Variants in MACF1 observed in about 807,000 individuals in gnomAD.
MACF1 encodes microtubule-actin cross-linking factor 1.
Under a neutral mutation model 854.8 loss-of-function variants are expected in MACF1, and 193 were observed. The observed-to-expected ratio is 0.23, with a 90% confidence interval of 0.20 to 0.25. MACF1 has a LOEUF of 0.25. Ranked by LOEUF, MACF1 falls within the 10% of genes least tolerant of loss-of-function variation. The pLI is 1.00. For synonymous variants in MACF1, 3,185 were observed against 3,226.7 expected (o/e 0.99, Z 0.44); for missense variants, 7,722 against 8,929.1 (o/e 0.86, Z 5.45).
intron 61 of MACF1, 78 bp downstream of exon 61, chr1:39,424,272 T>C (rs1213409091): frequency 1.8e-5 from 23 of 1,253,736 alleles, no homozygotes; most frequent in Non-Finnish European, 2.2e-5. Flanking sequence ...TATAAGTTCT[T>C]GGATGATTCA....
intron 58 of MACF1, among the ~76,000 whole-genome samples, chr1:39,402,234 C>T (rs1308141409): frequency 6.6e-6 from 1 of 152,060 alleles, no homozygotes; most frequent in East Asian, 1.9e-4. Flanking sequence ...TGATTCAACC[C>T]AGAGACCTCT....
chr1:39,156,972 T>C (rs1398432372), intron 2 of MACF1, among the ~76,000 whole-genome samples: 1 of 151,676 alleles, frequency 6.6e-6, no homozygotes, highest in South Asian at 2.1e-4. Flanking sequence ...TTATCTTTTT[T>C]TTTTTTTTTT....
rs564105377 is a variant in MACF1 at position 39,318,621 on chromosome 1, T to C, written c.3945+6T>C. The C allele has an allele frequency of 6.2e-7, 1 of 1,605,276 alleles. No homozygotes were observed. Among genetic ancestry groups the C allele is most frequent in the Non-Finnish European group, 8.5e-7 (1 of 1,176,246 alleles). On this transcript the variant is annotated splice_donor_region_variant and intron_variant, in intron 30 of 100. Coordinates refer to ENST00000564288, the MANE Select transcript of MACF1 (RefSeq NM_001394062.1). ...AGCAGCTCAGCCAGCAGACGGTGAG[T>C]GTGGTAGTAGCTCTGGCGAGAAGAG...
chr1:39,110,152 TTACC>T (rs1201626921), intron 2 of MACF1, among the ~76,000 whole-genome samples: 2 of 152,012 alleles, frequency 1.3e-5, no homozygotes, highest in Admixed American at 1.3e-4. Context: ...TTGGGATTGT[TTACC>T]TAAGTGACGC....
chr1:39,243,498 C>T (rs1272420018), intron 2 of MACF1, among the ~76,000 whole-genome samples: 2 of 152,078 alleles, frequency 1.3e-5, no homozygotes, highest in East Asian at 3.9e-4. Context: ...GTCGGCTGGG[C>T]TCAAGCAACC....
intron 2 of MACF1, among the ~76,000 whole-genome samples, chr1:39,188,164 A>T (rs182566844): frequency 8.0e-4 from 122 of 152,126 alleles, no homozygotes; most frequent in East Asian, 1.9e-4. Flanking sequence ...CTGGCCAGGC[A>T]CAGTGGCTCA....
Position 39,476,655 on chromosome 1 carries a change from G to T in MACF1, c.21959-3143G>T, listed in dbSNP as rs1644889971. Among the ~76,000 whole-genome samples, 3 of 152,160 alleles carry T rather than the reference G, an allele frequency of 2.0e-5. No homozygotes were observed. The South Asian group carries it at 6.2e-4, about 32-fold the overall frequency. The stretch of plus-strand genomic sequence containing the variant: ...TGTTTTACAAATTGTCACAGCATTG[G>T]CTACAATGTTTAAAATATTTAAACA... On this transcript the variant is annotated intron_variant, in intron 97 of 100. Transcript: ENST00000564288.
chr1:39,291,811 G>A, intron 15 of MACF1, 99 bp from the exon 16 acceptor site: 1 of 1,279,900 alleles, frequency 7.8e-7, no homozygotes, highest in Non-Finnish European at 1.1e-6. Context: ...CTTTTGCTCA[G>A]TCCTCTACCC....
At chr1:39,186,204 CTCTCTCTCTCTGTGTGTGTGTGTG>C (rs1209789241) in intron 2 of MACF1, among the ~76,000 whole-genome samples, 2,454 of 64,398 alleles carry the variant, frequency 0.038, 87 homozygotes, top group African/African-American at 0.11. Flanking sequence ...CTCTCTCTCT[CTCTCTCTCTCTGTGTGTGTGTGTG>C]TGTGTGTGTG....
Position 39,361,552 on chromosome 1 carries a change from C to T in MACF1, c.12646C>T (p.Pro4216Ser). ...EKESSLKKLL[P>S]QAEMFEHLSG... Reference sequence around the variant, plus strand: ...GGAGAGCTCCCTAAAGAAGCTTCTACCCCAGGCAGAGATGTTTGAACACCT... The same window carrying T: ...GGAGAGCTCCCTAAAGAAGCTTCTATCCCAGGCAGAGATGTTTGAACACCT... The change falls in exon 49 of 101, where the codon CCC becomes TCC. Residue 4216 changes from proline (P) to serine (S), a missense_variant. Around this residue, in one of 15 missense-constraint regions of MACF1, gnomAD observed 2,807 missense variants for 3,235.8 expected, o/e 0.87. Transcript: ENST00000564288. 1 of 1,614,174 alleles carries T rather than the reference C, an allele frequency of 6.2e-7. No individual in the cohort carries two copies. The highest frequency in any genetic ancestry group is 8.5e-7 in the Non-Finnish European group (1 of 1,180,046).
chr1:39,234,116 A>C (rs891337151), intron 2 of MACF1, among the ~76,000 whole-genome samples: 10 of 149,640 alleles, frequency 6.7e-5, no homozygotes, highest in African/African-American at 2.0e-4. Flanking sequence ...GTAAGGTCAC[A>C]GATCAACAGG....
At chr1:39,349,131 A>T (rs948864352) in intron 41 of MACF1, among the ~76,000 whole-genome samples, 21 of 152,142 alleles carry the variant, frequency 1.4e-4, no homozygotes, top group Admixed American at 1.2e-3. Context: ...GAACCACTAA[A>T]TTATTATCAT....
chr1:39,276,252 A>G (rs1186896119), intron 6 of MACF1, among the ~76,000 whole-genome samples: 1 of 152,054 alleles, frequency 6.6e-6, no homozygotes, highest in Admixed American at 6.6e-5. Flanking sequence ...TCAAGGTCTG[A>G]TGCTTTATCT....
In MACF1 at chr1:39,387,696, G is replaced by A. The variant is rs147252386; in HGVS notation, c.14854G>A (p.Val4952Met). 38 of 1,614,180 alleles carry A rather than the reference G, an allele frequency of 2.4e-5. No homozygotes were observed. In the African/African-American group the frequency reaches 4.4e-4, roughly 19 times the overall value. The change falls in exon 58 of 101, where the codon GTG becomes ATG. Residue 4952 changes from valine (V) to methionine (M), a missense_variant. By Grantham distance (21) the Val-to-Met change is conservative. Transcript: ENST00000564288. ...AAGATCAAAGGCTATGCTGAATGAGGTGGAGAAGCGCCGCTCCCTGCTGGA... is the reference window on the plus strand; with the variant it reads ...AAGATCAAAGGCTATGCTGAATGAGATGGAGAAGCGCCGCTCCCTGCTGGA... Reference protein sequence around the residue: ...LLRSKAMLNEVEKRRSLLEIL... With the variant: ...LLRSKAMLNEMEKRRSLLEIL...
At chr1:39,088,041 C>T (rs945961349) in intron 2 of MACF1, among the ~76,000 whole-genome samples, 1 of 151,938 alleles carries the variant, frequency 6.6e-6, no homozygotes, top group African/African-American at 2.4e-5. Flanking sequence ...TGCTGGATCT[C>T]AGCTCACTGC....
chr1:39,430,644 AGTT>A, intron 65 of MACF1, 55 bp from the exon 66 acceptor site: 1 of 1,362,890 alleles, frequency 7.3e-7, no homozygotes, highest in Non-Finnish European at 1.0e-6. Context: ...CACCCAGCAC[AGTT>A]GCTGATGTGC....
At chr1:39,244,653 C>T (rs543851998) in intron 2 of MACF1, among the ~76,000 whole-genome samples, 27 of 151,844 alleles carry the variant, frequency 1.8e-4, no homozygotes, top group Non-Finnish European at 3.7e-4. Context: ...TCTTGGCTCA[C>T]TGCCACCCCT....
intron 49 of MACF1, among the ~76,000 whole-genome samples, chr1:39,364,785 C>T (rs1479444382): frequency 6.6e-6 from 1 of 152,124 alleles, no homozygotes; most frequent in Non-Finnish European, 1.5e-5. Flanking sequence ...AGCCACCGCG[C>T]CCGGCCGTAA....
chr1:39,472,560 A>G (rs980764001), intron 97 of MACF1, among the ~76,000 whole-genome samples: 1 of 152,228 alleles, frequency 6.6e-6, no homozygotes, highest in African/African-American at 2.4e-5. Flanking sequence ...AGTGATATGT[A>G]TATAAAATGT....
Sources: allele counts gnomAD v4.1 joint callset (sites outside exome capture counted in the v4.1 genomes callset), GRCh38; gene constraint gnomAD v4.1.1; regional missense constraint gnomAD v4.1.1; transcripts MANE v1.5; gene names NCBI Gene and HGNC (gene_info 2026-07-23, HGNC 2026-07-21).